The following EEIG2 variants were observed in gnomAD, a reference collection of about 807,000 sequenced individuals.
EEIG2 encodes the protein family with sequence similarity 102 member B.
chr1:108,597,152 G>A, the EEIG2 span, among the ~76,000 whole-genome samples: 15 of 152,276 alleles, frequency 9.9e-5, no homozygotes, highest in Admixed American at 2.6e-4. Context: ...GCAGGTGCTT[G>A]TCATCTCAGA....
the EEIG2 span, among the ~76,000 whole-genome samples, chr1:108,565,963 T>C: frequency 6.6e-6 from 1 of 152,134 alleles, no homozygotes; most frequent in Non-Finnish European, 1.5e-5. Context: ...ATTATAAATA[T>C]TTTAGTATAG....
the EEIG2 span, among the ~76,000 whole-genome samples, chr1:108,615,299 T>A: frequency 6.6e-6 from 1 of 152,186 alleles, no homozygotes; most frequent in Non-Finnish European, 1.5e-5. Flanking sequence ...AAATAATGCA[T>A]ATTAAACACA....
chr1:108,590,926 A>T, the EEIG2 span, among the ~76,000 whole-genome samples: 1 of 152,174 alleles, frequency 6.6e-6, no homozygotes, highest in South Asian at 2.1e-4. Flanking sequence ...TATTTTTTAA[A>T]GACTTTCTAG....
chr1:108,633,975 T>C, the EEIG2 span, among the ~76,000 whole-genome samples: 1 of 152,316 alleles, frequency 6.6e-6, no homozygotes, highest in African/African-American at 2.4e-5. Flanking sequence ...TTCAGGCAGC[T>C]AGCTGGGGCG....
the EEIG2 span, among the ~76,000 whole-genome samples, chr1:108,574,245 A>G: frequency 6.7e-6 from 1 of 149,232 alleles, no homozygotes; most frequent in African/African-American, 2.5e-5. Context: ...ATTATGCTAA[A>G]TAAGCCAATC....
At chr1:108,638,981 A>C in the EEIG2 span, 1 of 152,236 alleles carries the variant, frequency 6.6e-6, no homozygotes, top group South Asian at 2.1e-4. Flanking sequence ...ATAGCAAAGA[A>C]ATTATCTTAC....
chr1:108,632,218 G>A, the EEIG2 span, among the ~76,000 whole-genome samples: 2 of 151,004 alleles, frequency 1.3e-5, no homozygotes, highest in Non-Finnish European at 2.9e-5. Flanking sequence ...GTCTCTTTGA[G>A]TCCAAATCCC....
At chr1:108,628,484 GA>G in the EEIG2 span, 3 of 1,614,112 alleles carry the variant, frequency 1.9e-6, no homozygotes, top group Non-Finnish European at 2.5e-6. Flanking sequence ...AACAGGAGTT[GA>G]AAGTATTCTA....
chr1:108,612,815 T>A, the EEIG2 span, among the ~76,000 whole-genome samples: 1 of 152,208 alleles, frequency 6.6e-6, no homozygotes, highest in Non-Finnish European at 1.5e-5. Context: ...TGAGATTAAT[T>A]GAGAAAATAT....
At chr1:108,584,067 G>A in the EEIG2 span, among the ~76,000 whole-genome samples, 3 of 152,150 alleles carry the variant, frequency 2.0e-5, no homozygotes, top group African/African-American at 7.2e-5. Flanking sequence ...CAGAAACCAG[G>A]TTTCAAGGGA....
the EEIG2 span, among the ~76,000 whole-genome samples, chr1:108,579,689 C>G: frequency 6.6e-6 from 1 of 151,248 alleles, no homozygotes; most frequent in Non-Finnish European, 1.5e-5. Context: ...AGATTTGTGG[C>G]ACCTCTACAC....
At chr1:108,603,612 C>T in the EEIG2 span, among the ~76,000 whole-genome samples, 1 of 152,066 alleles carries the variant, frequency 6.6e-6, no homozygotes, top group African/African-American at 2.4e-5. Flanking sequence ...AGTTATCAAG[C>T]ATACGAAGAG....
At chr1:108,584,274 G>A in the EEIG2 span, among the ~76,000 whole-genome samples, 12 of 152,138 alleles carry the variant, frequency 7.9e-5, no homozygotes, top group African/African-American at 2.9e-4. Context: ...ATGAAAATAG[G>A]GATACAAATA....
chr1:108,566,877 C>T, the EEIG2 span, among the ~76,000 whole-genome samples: 2 of 152,144 alleles, frequency 1.3e-5, no homozygotes, highest in East Asian at 3.9e-4. Flanking sequence ...AACTGTTGGT[C>T]ATAGGGCACA....
chr1:108,629,954 A>G, the EEIG2 span: 396 of 349,646 alleles, frequency 1.1e-3, 7 homozygotes, highest in East Asian at 0.022. Flanking sequence ...ACACTTAGAA[A>G]AGAGTTCTTA....
chr1:108,613,130 G>A, the EEIG2 span, among the ~76,000 whole-genome samples: 1 of 152,208 alleles, frequency 6.6e-6, no homozygotes. Context: ...AGGTGGGACA[G>A]CGAGTTGATA....
the EEIG2 span, chr1:108,560,531 C>A: frequency 4.3e-6 from 7 of 1,611,080 alleles, no homozygotes; most frequent in Middle Eastern, 1.6e-4. Context: ...GATGCGGCTG[C>A]TGGACGGCGG....
chr1:108,631,637 T>C, the EEIG2 span, among the ~76,000 whole-genome samples: 1 of 152,182 alleles, frequency 6.6e-6, no homozygotes, highest in Non-Finnish European at 1.5e-5. Context: ...ACAGTAATTA[T>C]GATATATAAT....
chr1:108,606,902 A>G, the EEIG2 span, among the ~76,000 whole-genome samples: 202 of 152,148 alleles, frequency 1.3e-3, 2 homozygotes, highest in African/African-American at 4.7e-3. Flanking sequence ...GCCTCAAGTG[A>G]TCCTCCTGCC....
Sources: allele counts gnomAD v4.1 joint callset (sites outside exome capture counted in the v4.1 genomes callset), GRCh38; gene constraint gnomAD v4.1.1; transcripts MANE v1.5; gene names NCBI Gene and HGNC (gene_info 2026-07-23, HGNC 2026-07-21).